NLRP3: variants seen among roughly 807,000 people sequenced by gnomAD.
NLRP3 encodes the protein NLR family pyrin domain containing 3.
Under a neutral mutation model 91.3 loss-of-function variants are expected in NLRP3, and 48 were observed. That is an observed-to-expected ratio of 0.53 (90% confidence interval 0.42 to 0.67). The LOEUF is 0.67. Ranked by LOEUF, NLRP3 falls within the 30% of genes least tolerant of loss-of-function variation. The probability of loss-of-function intolerance (pLI) is 0.00; values close to 1 mark genes in which losing one functional copy is unlikely to be tolerated. For missense variants in NLRP3, 982 were observed against 1,276.9 expected (o/e 0.77, Z 3.52); for synonymous variants, 561 against 507.9 (o/e 1.10, Z -1.41).
chr1:247,443,737 G>A (rs1440904811), intron 7 of NLRP3, among the ~76,000 whole-genome samples: 1 of 152,102 alleles, frequency 6.6e-6, no homozygotes, highest in Non-Finnish European at 1.5e-5. Flanking sequence ...AGTTTGCCTT[G>A]GCTCTTTCTG....
chr1:247,448,270 T>C (rs1202291759), intron 9 of NLRP3, 135 bp from the exon 10 acceptor site: 2 of 70,698 alleles, frequency 2.8e-5, no homozygotes, highest in Non-Finnish European at 6.4e-5. Flanking sequence ...TGGTCCCTCT[T>C]TTTTTTTTTT....
At chr1:247,428,132 C>T (rs938498554) in intron 4 of NLRP3, among the ~76,000 whole-genome samples, 3 of 149,610 alleles carry the variant, frequency 2.0e-5, no homozygotes, top group East Asian at 1.9e-4. Context: ...GACTGGAACC[C>T]TGGTAGGGGG....
At position 247,423,213 on chromosome 1, in the gene NLRP3, T is replaced by A; in HGVS notation, c.278-17T>A. The A allele has an allele frequency of 1.2e-6, 2 of 1,606,522 alleles. No homozygotes were observed. The highest frequency in any genetic ancestry group is 1.7e-6 in the Non-Finnish European group (2 of 1,174,770). ...GATAATAGTTCTGGGTTTTGACACC[T>A]TTTTTTTCCCTTTTAGGTTCAGATA... On this transcript the variant is annotated splice_polypyrimidine_tract_variant and intron_variant, in intron 2 of 9. Transcript: ENST00000336119.
At chr1:247,444,978 A>G (rs558218149) in intron 9 of NLRP3, among the ~76,000 whole-genome samples, 157 bp downstream of exon 9, 1 of 152,288 alleles carries the variant, frequency 6.6e-6, no homozygotes, top group African/African-American at 2.4e-5. Context: ...AATAGAGAAT[A>G]TGGGGTTAAA....
rs1302388582 is a variant in NLRP3 at position 247,418,726 on chromosome 1, C to T, written c.-75C>T. The stretch of plus-strand genomic sequence containing the variant: ...GTGGAGACTTTAAAAAAGACTCATC[C>T]GTGTGCCGTGTTCACTGCCTGGTAT... On this transcript the variant is annotated 5_prime_UTR_variant, in exon 2 of 10. Coordinates refer to ENST00000336119, the MANE Select transcript of NLRP3 (RefSeq NM_001243133.2). 13 of 1,557,484 alleles carry T rather than the reference C, an allele frequency of 8.3e-6. No homozygotes were observed. Among genetic ancestry groups the T allele is most frequent in the Middle Eastern group, 2.3e-4 (1 of 4,410 alleles).
chr1:247,418,302 GCTAA>G lies in NLRP3; in HGVS notation c.-496_-493del, dbSNP rs1334622374. 4.8e-6 allele frequency: 1 copy of G among 209,032 alleles called. No individual in the cohort carries two copies. The highest frequency in any genetic ancestry group is 5.3e-5 in the Admixed American group (1 of 18,776). The allele number at this position is 209,032 out of a possible 1,614,324, so 12.9% of individuals were successfully genotyped here. A position where few individuals can be genotyped will look rare whatever the true frequency, so the allele number is the denominator to read the frequency against. On this transcript the variant is annotated 5_prime_UTR_variant, in exon 2 of 10. An upstream open reading frame in the 5' UTR loses its in-frame stop. Coordinates refer to ENST00000336119, the MANE Select transcript of NLRP3 (RefSeq NM_001243133.2). ...AGGAGAACTTTCTGGTAAGCATTTGGCTAACTTTTTTTTTTTTGAGATGGAGTCT... is the reference window on the plus strand; with the variant it reads ...AGGAGAACTTTCTGGTAAGCATTTGGCTTTTTTTTTTTTGAGATGGAGTCT...
chr1:247,446,886 T>C (rs1220540858), intron 9 of NLRP3, among the ~76,000 whole-genome samples: 1 of 152,198 alleles, frequency 6.6e-6, no homozygotes, highest in Admixed American at 6.5e-5. Flanking sequence ...CTTGCATCCT[T>C]GTGCCAACAT....
At position 247,444,632 on chromosome 1, in the gene NLRP3, A is replaced by T; in HGVS notation, c.2835-19A>T. The T allele has an allele frequency of 6.2e-7, 1 of 1,613,780 alleles. No homozygotes were observed. Among genetic ancestry groups the T allele is most frequent in the Non-Finnish European group, 8.5e-7 (1 of 1,179,952 alleles). On this transcript the variant is annotated intron_variant, in intron 8 of 9. Coordinates refer to ENST00000336119, the MANE Select transcript of NLRP3 (RefSeq NM_001243133.2). Reference sequence around the variant, plus strand: ...GATGGTTAAGGGGACATTTTCTTTAAATCACCCCCTTTTTGCAGATTAGAC... The same window carrying T: ...GATGGTTAAGGGGACATTTTCTTTATATCACCCCCTTTTTGCAGATTAGAC...
intron 5 of NLRP3, among the ~76,000 whole-genome samples, chr1:247,431,139 G>A (rs1663289206): frequency 6.6e-6 from 1 of 151,998 alleles, no homozygotes. Context: ...AGCCGAGATC[G>A]TGCCATTGCA....
At chr1:247,440,612 A>T (rs1325097381) in intron 7 of NLRP3, among the ~76,000 whole-genome samples, 1 of 152,066 alleles carries the variant, frequency 6.6e-6, no homozygotes, top group African/African-American at 2.4e-5. Context: ...TGTTTTAGAG[A>T]TGGGGACTTG....
intron 5 of NLRP3, among the ~76,000 whole-genome samples, chr1:247,432,540 C>T (rs1047529908): frequency 6.6e-6 from 1 of 152,152 alleles, no homozygotes; most frequent in Non-Finnish European, 1.5e-5. Context: ...TTGTTTGGGA[C>T]ATTTAACCTT....
intron 3 of NLRP3, 49 bp from the exon 4 acceptor site, chr1:247,423,798 C>G (rs1362265668): frequency 2.6e-6 from 4 of 1,538,748 alleles, no homozygotes; most frequent in Non-Finnish European, 3.6e-6. Context: ...GAGCGCATCT[C>G]AGGTGGATGT....
At chr1:247,447,868 G>C (rs1558212563) in intron 9 of NLRP3, among the ~76,000 whole-genome samples, 1 of 152,176 alleles carries the variant, frequency 6.6e-6, no homozygotes, top group Non-Finnish European at 1.5e-5. Flanking sequence ...GAAGAAACAA[G>C]TTGACATGAC....
intron 2 of NLRP3, 86 bp from the exon 3 acceptor site, chr1:247,423,144 C>G: frequency 6.3e-7 from 1 of 1,586,342 alleles, no homozygotes; most frequent in Middle Eastern, 1.7e-4. Flanking sequence ...GGGGTCTCCT[C>G]TCTCATGCCA....
chr1:247,443,044 G>A (rs1664331909), intron 7 of NLRP3, among the ~76,000 whole-genome samples: 2 of 152,182 alleles, frequency 1.3e-5, no homozygotes, highest in South Asian at 4.2e-4. Flanking sequence ...TCCTGCCTCA[G>A]CCTCCCAAGT....
In NLRP3 at chr1:247,418,222, T is replaced by A. The variant is rs1332322402; in HGVS notation, c.-579T>A. 6.2e-6 allele frequency: 1 copy of A among 162,058 alleles called. No homozygotes were observed. The highest frequency in any genetic ancestry group is 1.4e-5 in the Non-Finnish European group (1 of 73,498). The allele number at this position is 162,058 out of a possible 1,614,324, so 10.0% of individuals were successfully genotyped here. ...ATGGATTTGTTTGCATATTTTTCCC[T>A]CCATAGGGAAACCTTTCTTCCATGG... On this transcript the variant is annotated 5_prime_UTR_variant, in exon 2 of 10. Coordinates refer to ENST00000336119, the MANE Select transcript of NLRP3 (RefSeq NM_001243133.2).
Position 247,444,138 on chromosome 1 carries a change from T to A in NLRP3, c.2830T>A (p.Leu944Met). Residue 944 changes from leucine to methionine, a missense_variant, in exon 8 of 10, where the codon TTG becomes ATG. Physicochemically the swap from Leu to Met is conservative, Grantham distance 15 (BLOSUM62 2). This residue lies in a region of NLRP3 where 373 missense variants were observed against 431.5 expected (regional missense o/e 0.86). Transcript: ENST00000336119. The stretch of plus-strand genomic sequence containing the variant: ...GCACCCCGACTGCAAGCTTCAGGTG[T>A]TGGAGTAAGTCCTTTGGTTTATTAC... The part of the protein sequence containing the change: ...LLHPDCKLQV[L>M]ELDNCNLTSH... 1.2e-6 allele frequency: 2 copies of A among 1,614,208 alleles called. No homozygotes were observed. Among genetic ancestry groups the A allele is most frequent in the Non-Finnish European group, 1.7e-6 (2 of 1,180,032 alleles).
At chr1:247,444,214 G>T in intron 8 of NLRP3, 72 bp downstream of exon 8, 1 of 1,446,448 alleles carries the variant, frequency 6.9e-7, no homozygotes, top group Non-Finnish European at 9.7e-7. Context: ...TAGGCAGAGT[G>T]GCCACAAGAT....
At position 247,436,214 on chromosome 1, in the gene NLRP3, G is replaced by C; in HGVS notation, c.2663+74G>C. On this transcript the variant is annotated intron_variant, in intron 7 of 9. Coordinates refer to ENST00000336119, the MANE Select transcript of NLRP3 (RefSeq NM_001243133.2). ...TGAATTATTTGGAAAATGTGGATGG[G>C]GGTTACTTTGGTCAGGCAGAGCTGA... is the stretch of plus-strand genomic sequence containing the variant. The C allele has an allele frequency of 4.1e-6, 6 of 1,470,668 alleles. No homozygotes were observed. The South Asian group carries it at 5.8e-5, about 14-fold the overall frequency. 91.1% of individuals were successfully genotyped at this position (1,470,668 alleles called of 1,614,324 possible).
Sources: gnomAD v4.1 joint callset for allele counts (sites outside exome capture counted in the v4.1 genomes callset) on GRCh38, gnomAD v4.1.1 for gene constraint, gnomAD v4.1.1 regional missense constraint, MANE v1.5 for transcripts, NCBI Gene and HGNC (gene_info 2026-07-23, HGNC 2026-07-21) for gene names.